Variants in SART3 observed in about 807,000 individuals in gnomAD.
SART3 encodes the protein HIV-1 Tat-interacting protein of 110kDa.
In SART3, 44 loss-of-function variants were observed where a neutral mutation model predicts 122.3. That is an observed-to-expected ratio of 0.36 (90% CI 0.28 to 0.46). SART3 has a LOEUF of 0.46. Ranked by LOEUF, SART3 falls within the 20% of genes least tolerant of loss-of-function variation. The probability of loss-of-function intolerance (pLI) is 1.00; values close to 1 mark genes in which losing one functional copy is unlikely to be tolerated. For synonymous variants in SART3, 442 were observed against 454.0 expected (o/e 0.97, Z 0.34); for missense variants, 1,101 against 1,229.0 (o/e 0.90, Z 1.56).
chr12:108,531,415 G>A, intron 13 of SART3, 135 bp from the exon 14 acceptor site: 1 of 704,862 alleles, frequency 1.4e-6, no homozygotes, highest in Non-Finnish European at 2.5e-6. Flanking sequence ...ATCCCTGTAG[G>A]CTTGAAGTTC....
chr12:108,543,270 C>G, intron 5 of SART3, 118 bp from the exon 6 acceptor site: 1 of 1,201,188 alleles, frequency 8.3e-7, no homozygotes, highest in Non-Finnish European at 1.2e-6. Flanking sequence ...GGCATGGCAG[C>G]TCTTACTGAT....
At chr12:108,536,425 TG>T in intron 11 of SART3, 88 bp downstream of exon 11, 1 of 1,281,502 alleles carries the variant, frequency 7.8e-7, no homozygotes, top group Non-Finnish European at 1.1e-6. Flanking sequence ...GGCCATTATC[TG>T]GGATTCTGAC....
intron 7 of SART3, 60 bp downstream of exon 7, chr12:108,538,874 C>T (rs1453545260): frequency 1.2e-6 from 2 of 1,606,962 alleles, no homozygotes; most frequent in East Asian, 2.2e-5. Flanking sequence ...GGCACTCTTA[C>T]TGATTTTAAG....
chr12:108,541,406 C>CA (rs1222925342), intron 6 of SART3, among the ~76,000 whole-genome samples: 11 of 147,198 alleles, frequency 7.5e-5, no homozygotes, highest in Middle Eastern at 3.2e-3. Flanking sequence ...ACTCCAGTCT[C>CA]AAAAAAAAAG....
intron 6 of SART3, among the ~76,000 whole-genome samples, chr12:108,540,716 CATT>C (rs1248585722): frequency 1.4e-5 from 2 of 146,336 alleles, no homozygotes; most frequent in Non-Finnish European, 3.0e-5. Flanking sequence ...AAGAGCAAAA[CATT>C]ATAACTCTCA....
chr12:108,534,899 G>A (rs1003932456), intron 12 of SART3, among the ~76,000 whole-genome samples: 10 of 152,190 alleles, frequency 6.6e-5, no homozygotes, highest in Non-Finnish European at 1.0e-4. Context: ...ATCTTATTTC[G>A]TTCAAATAGT....
At chr12:108,526,685 C>A in intron 15 of SART3, 132 bp from the exon 16 acceptor site, 1 of 939,776 alleles carries the variant, frequency 1.1e-6, no homozygotes, top group Non-Finnish European at 1.7e-6. Context: ...CTCGGAGGGG[C>A]AAGCACCACC....
chr12:108,533,735 G>A (rs988741252), intron 12 of SART3, among the ~76,000 whole-genome samples: 2 of 152,286 alleles, frequency 1.3e-5, no homozygotes, highest in East Asian at 3.9e-4. Context: ...TAATACTATA[G>A]GATGAAATAT....
At chr12:108,557,493 GA>G (rs2030280967) in intron 1 of SART3, among the ~76,000 whole-genome samples, 1 of 152,218 alleles carries the variant, frequency 6.6e-6, no homozygotes, top group East Asian at 1.9e-4. Flanking sequence ...CTGATGGAAA[GA>G]AAACAACTGG....
chr12:108,524,843 C>A, intron 17 of SART3: 1 of 388,698 alleles, frequency 2.6e-6, no homozygotes, highest in Non-Finnish European at 4.8e-6. Flanking sequence ...GGATGGGACA[C>A]AGGGCCAGCA....
chr12:108,531,566 T>G, intron 13 of SART3: 1 of 357,794 alleles, frequency 2.8e-6, no homozygotes, highest in Non-Finnish European at 5.2e-6. Context: ...AGTACATTTA[T>G]ATTAAGACTG....
chr12:108,523,210 C>CT lies in SART3; in HGVS notation c.*246dup. ...CTCAGTCTTTAAGATACAAAACTATCTCAGGACACCACATCCTGGGCCCAG... is the reference window on the plus strand; with the variant it reads ...CTCAGTCTTTAAGATACAAAACTATCTTCAGGACACCACATCCTGGGCCCAG... On this transcript the variant is annotated 3_prime_UTR_variant, in exon 19 of 19. Coordinates refer to ENST00000546815, the MANE Select transcript of SART3 (RefSeq NM_014706.4). The CT allele has an allele frequency of 1.7e-6, 1 of 585,526 alleles. No homozygotes were observed. The highest frequency in any genetic ancestry group is 3.0e-5 in the Admixed American group (1 of 33,610). The allele number at this position is 585,526 out of a possible 1,614,324, so 36.3% of individuals were successfully genotyped here. A position where few individuals can be genotyped will look rare whatever the true frequency, so the allele number is the denominator to read the frequency against.
intron 6 of SART3, among the ~76,000 whole-genome samples, chr12:108,541,127 G>A (rs1873138426): frequency 1.3e-5 from 2 of 152,110 alleles, no homozygotes; most frequent in Admixed American, 1.3e-4. Context: ...AAGTGAAAAG[G>A]CAGTTGCAGT....
chr12:108,524,309 C>T lies in SART3; in HGVS notation c.2714+7G>A, dbSNP rs745584289. 3.7e-6 allele frequency: 6 copies of T among 1,612,244 alleles called. No homozygotes were observed. The East Asian group carries it at 6.7e-5, about 18-fold the overall frequency. On this transcript the variant is annotated splice_region_variant and intron_variant, in intron 18 of 18. Transcript: ENST00000546815. ...AGTTTGCACTAGTCTACCATGCAAG[C>T]ACTTACGCTCCGTATGTCTGCGGCA...
Position 108,560,829 on chromosome 12 carries a change from AC to A in SART3, c.312+13del, listed in dbSNP as rs1423058945. The A allele has an allele frequency of 1.3e-6, 2 of 1,565,144 alleles. No individual in the cohort carries two copies. Reference sequence around the variant, plus strand: ...AAAGACTGGAAGATGCCCGCTGCCCACCCCCGGGCCCACCTGCTCCTCCAGT... The same window carrying A: ...AAAGACTGGAAGATGCCCGCTGCCCACCCCGGGCCCACCTGCTCCTCCAGT... On this transcript the variant is annotated intron_variant, in intron 1 of 18. Coordinates refer to ENST00000546815, the MANE Select transcript of SART3 (RefSeq NM_014706.4).
At chr12:108,542,292 G>C (rs1422766211) in intron 6 of SART3, among the ~76,000 whole-genome samples, 2 of 152,152 alleles carry the variant, frequency 1.3e-5, no homozygotes, top group East Asian at 3.8e-4. Flanking sequence ...CAATATCCAA[G>C]ATTGGCACAA....
intron 17 of SART3, chr12:108,524,815 GCAAATAAAC>G: frequency 2.3e-6 from 1 of 439,430 alleles, no homozygotes; most frequent in South Asian, 2.3e-5. Context: ...TATAAATCCA[GCAAATAAAC>G]CAAGAGGTGG....
At chr12:108,532,520 T>G in intron 12 of SART3, 186 bp from the exon 13 acceptor site, 2 of 574,628 alleles carry the variant, frequency 3.5e-6, no homozygotes, top group Non-Finnish European at 6.3e-6. Flanking sequence ...CTACGAAGTA[T>G]TTCCCTGAAG....
At position 108,535,348 on chromosome 12, in the gene SART3, A is replaced by C. The variant is rs757742789; in HGVS notation, c.1556+11T>G. ...AAGCACTGCCTCCCTCCCCACCCCG[A>C]GATCAGTTACCTTTCCAGGTTGTAA... On this transcript the variant is annotated intron_variant, in intron 12 of 18. Coordinates refer to ENST00000546815, the MANE Select transcript of SART3 (RefSeq NM_014706.4). The C allele has an allele frequency of 3.1e-6, 5 of 1,609,828 alleles. No homozygotes were observed. Among genetic ancestry groups the C allele is most frequent in the Non-Finnish European group, 4.3e-6 (5 of 1,176,314 alleles).
Sources: gnomAD v4.1 joint callset for allele counts (sites outside exome capture counted in the v4.1 genomes callset) on GRCh38, gnomAD v4.1.1 for gene constraint, MANE v1.5 for transcripts, NCBI Gene and HGNC (gene_info 2026-07-23, HGNC 2026-07-21) for gene names.